The following MUC6 variants were observed in gnomAD, a reference collection of about 807,000 sequenced individuals.
The protein encoded by MUC6 is mucin 6, oligomeric mucus/gel-forming (gene/pseudogene).
Under a neutral mutation model 201.5 loss-of-function variants are expected in MUC6, and 188 were observed. That is an observed-to-expected ratio of 0.93 (90% CI 0.83 to 1.05). MUC6 has a LOEUF of 1.05. Ranked by LOEUF, MUC6 falls within the 50% of genes least tolerant of loss-of-function variation. The pLI is 0.00. For synonymous variants in MUC6, 1,228 were observed against 1,389.4 expected (o/e 0.88, Z 2.58); for missense variants, 2,706 against 3,256.9 (o/e 0.83, Z 4.12).
At chr11:1,031,134 C>A (rs535300649) in intron 5 of MUC6, 35 bp downstream of exon 5, 35 of 525,712 alleles carry the variant, frequency 6.7e-5, no homozygotes, top group African/African-American at 3.4e-4. Context: ...ACCTAGAGGC[C>A]CCCCCAGAGG....
Position 1,015,934 on chromosome 11 carries a change from G to A in MUC6, c.6867C>T (p.Thr2289=), listed in dbSNP as rs1330047088. ...AGGTGGGGATACCCGTCACCCCCGA[G>A]GTGAGTGACACAAAGCCTGATGTGG... The part of the protein sequence containing the change: ...RVPTSGFVSL[T]SGVTGIPTSP... The change falls in exon 31 of 33, where the codon ACC becomes ACT. Residue 2289 remains threonine (T), a synonymous_variant. Transcript: ENST00000421673. 1 of 1,598,662 alleles carries A rather than the reference G, an allele frequency of 6.3e-7. No individual in the cohort carries two copies. The highest frequency in any genetic ancestry group is 1.1e-5 in the South Asian group (1 of 88,166).
At position 1,036,600 on chromosome 11, in the gene MUC6, T is replaced by G. The variant is rs1590058920; in HGVS notation, c.52+4A>C. 6.5e-7 allele frequency: 1 copy of G among 1,548,792 alleles called. No homozygotes were observed. The highest frequency in any genetic ancestry group is 2.4e-5 in the East Asian group (1 of 40,906). ...AGTGTCTGGCGCCCCTCGACCTCAC[T>G]CACCAGCGCTGAGCAGGGCTCCGCA... On this transcript the variant is annotated splice_donor_region_variant and intron_variant, in intron 1 of 32. Transcript: ENST00000421673.
Position 1,024,069 on chromosome 11 carries a change from C to T in MUC6, c.3260G>A (p.Arg1087His), listed in dbSNP as rs367670904. ...YHLPYYEACV[R>H]DACGCDSGGD... ...GCCACTGTCACACCCACATGCGTCG[C>T]GCACGCAGGCCTCGTAGTAGGGCAG... Residue 1087 changes from arginine to histidine, a missense_variant, in exon 25 of 33, where the codon CGC (arginine) becomes CAC (histidine). Coordinates refer to ENST00000421673, the MANE Select transcript of MUC6 (RefSeq NM_005961.3). 31 of 1,613,078 alleles carry T rather than the reference C, an allele frequency of 1.9e-5. No individual in the cohort carries two copies. The highest frequency in any genetic ancestry group is 8.8e-5 in the South Asian group (8 of 91,080).
In MUC6 at chr11:1,031,792, GC is replaced by G; in HGVS notation, c.356+20del. 1 of 1,571,946 alleles carries G rather than the reference GC, an allele frequency of 6.4e-7. No individual in the cohort carries two copies. ...AGTCCTCCGGCCCCCGAGCCCCCGG[GC>G]CCCGGCCCACCTGACCTACCCGATG... On this transcript the variant is annotated intron_variant, in intron 3 of 32. Transcript: ENST00000421673.
chr11:1,023,559 G>T lies in MUC6; in HGVS notation c.3476C>A (p.Pro1159His), dbSNP rs1443842472. 6.2e-7 allele frequency: 1 copy of T among 1,607,692 alleles called. No homozygotes were observed. Among genetic ancestry groups the T allele is most frequent in the Admixed American group, 1.7e-5 (1 of 58,942 alleles). Residue 1159 changes from proline (P) to histidine (H), a missense_variant, in exon 26 of 33, where the codon CCC becomes CAC. Around this residue, in one of 10 missense-constraint regions of MUC6, gnomAD observed 1,850 missense variants for 1,958.3 expected, o/e 0.94. Transcript: ENST00000421673. ...QEANCTWHYQ[P>H]CLCPSQPQSV... is the part of the protein sequence containing the mutation. Reference sequence around the variant, plus strand: ...CTGTGGCTGGCTGGGGCAGAGGCAGGGCTGGTAGTGCCACGTGCAGTTGGC... The same window carrying T: ...CTGTGGCTGGCTGGGGCAGAGGCAGTGCTGGTAGTGCCACGTGCAGTTGGC...
In MUC6 at chr11:1,030,295, G is replaced by T; in HGVS notation, c.933C>A (p.Cys311Ter). 1 of 1,549,296 alleles carries T rather than the reference G, an allele frequency of 6.5e-7. No homozygotes were observed. The highest frequency in any genetic ancestry group is 1.2e-5 in the South Asian group (1 of 84,004). The change falls in exon 8 of 33, where the codon TGC becomes TGA. Residue 311 changes from cysteine (C) to a stop codon, truncating the protein, a stop_gained. Coordinates refer to ENST00000421673, the MANE Select transcript of MUC6 (RefSeq NM_005961.3). LOFTEE classifies it high-confidence loss of function. ...QCPANQVYQE[C>*]GSACVKTCSN... ...AGCAGGTCTTCACGCAGGCCGAGCC[G>T]CACTCCTGGTACACCTGGTTGGCCG...
In MUC6 at chr11:1,018,744, C is replaced by T; in HGVS notation, c.4057G>A (p.Gly1353Arg). 1 of 1,572,026 alleles carries T rather than the reference C, an allele frequency of 6.4e-7. No homozygotes were observed. ...CCTGTCGTCTGGGTGGCCGTTGTTC[C>T]TGGCAGTTCCTGATTGGTCGATTTT... ...LPKSTNQELP[G>R]TTATQTTGPR... Residue 1353 changes from glycine (G) to arginine (R), a missense_variant, in exon 31 of 33, where the codon GGA (glycine) becomes AGA (arginine). Transcript: ENST00000421673.
In MUC6 at chr11:1,031,868, G is replaced by T. The variant is rs1301831269; in HGVS notation, c.301C>A (p.Leu101Met). 1 of 1,612,844 alleles carries T rather than the reference G, an allele frequency of 6.2e-7. No individual in the cohort carries two copies. The highest frequency in any genetic ancestry group is 1.3e-5 in the African/African-American group (1 of 75,050). The change falls in exon 3 of 33, where the codon CTG becomes ATG. Residue 101 changes from leucine (L) to methionine (M), a missense_variant. Physicochemically the swap from Leu to Met is conservative, Grantham distance 15. Transcript: ENST00000421673. ...DGSISRIIVELGASVVTVSEA... is the reference protein window; with the variant it reads ...DGSISRIIVEMGASVVTVSEA... ...CTCACAGTGACGACGGAGGCCCCCAGCTCCACGATGATCCGCGAGATGCTC... is the reference window on the plus strand; with the variant it reads ...CTCACAGTGACGACGGAGGCCCCCATCTCCACGATGATCCGCGAGATGCTC...
rs766402028 is a variant in MUC6 at position 1,030,193 on chromosome 11, G to A, written c.1015+20C>T. On this transcript the variant is annotated intron_variant, in intron 8 of 32. Transcript: ENST00000421673. ...TCTCTAGGGGTCCCGGGGAGAGAGA[G>A]TGCCTGCGACTGCCCTCACCTTCCG... The A allele has an allele frequency of 1.3e-6, 2 of 1,548,834 alleles. No individual in the cohort carries two copies. Among genetic ancestry groups the A allele is most frequent in the East Asian group, 2.4e-5 (1 of 41,014 alleles).
chr11:1,020,836 C>A, intron 27 of MUC6, 102 bp from the exon 28 acceptor site: 1 of 1,445,090 alleles, frequency 6.9e-7, no homozygotes, highest in Non-Finnish European at 9.5e-7. Flanking sequence ...CTCACCAAGG[C>A]TGTGGTGGAG....
At position 1,019,434 on chromosome 11, in the gene MUC6, T is replaced by C. The variant is rs552237217; in HGVS notation, c.3871A>G (p.Thr1291Ala). The C allele has an allele frequency of 9.2e-4, 1,479 of 1,613,724 alleles. 29 individuals carry two copies. The South Asian group carries it at 0.015, about 17-fold the overall frequency. Residue 1291 changes from threonine to alanine, a missense_variant, in exon 30 of 33, where the codon ACA becomes GCA. Physicochemically the swap from Thr to Ala is moderately conservative, Grantham distance 58. This residue lies in a region of MUC6 where 1,850 missense variants were observed against 1,958.3 expected (regional missense o/e 0.94). Coordinates refer to ENST00000421673, the MANE Select transcript of MUC6 (RefSeq NM_005961.3). ...QATSGLPPTA[T>A]LRSTATKPTV... ...GGTTTTGTGGCTGTCGATCTCAGTGTGGCTGTGGGAGGCAGCCCTGATGTG... is the reference window on the plus strand; with the variant it reads ...GGTTTTGTGGCTGTCGATCTCAGTGCGGCTGTGGGAGGCAGCCCTGATGTG...
intron 1 of MUC6, 24 bp downstream of exon 1, chr11:1,036,580 C>G: frequency 1.3e-6 from 2 of 1,548,840 alleles, no homozygotes; most frequent in Non-Finnish European, 1.7e-6. Context: ...ACCGCAGTGT[C>G]TGGCGCCCCT....
intron 24 of MUC6, 107 bp downstream of exon 24, chr11:1,024,737 T>G: frequency 6.8e-7 from 1 of 1,470,908 alleles, no homozygotes; most frequent in Non-Finnish European, 9.0e-7. Context: ...CTGGCTGGTC[T>G]GGGATCCCAC....
intron 27 of MUC6, 46 bp from the exon 28 acceptor site, chr11:1,020,780 C>T (rs1171833513): frequency 6.2e-7 from 1 of 1,601,872 alleles, no homozygotes; most frequent in Non-Finnish European, 8.5e-7. Flanking sequence ...TAAGCCTCCC[C>T]ACCCCGTGGG....
Position 1,028,796 on chromosome 11 carries a change from G to A in MUC6, c.1454-13C>T. 1 of 1,609,770 alleles carries A rather than the reference G, an allele frequency of 6.2e-7. No homozygotes were observed. The highest frequency in any genetic ancestry group is 1.3e-5 in the African/African-American group (1 of 75,066). Reference sequence around the variant, plus strand: ...ACCGTGATGTTGCCTGCAGGACGCAGTGCTCAGTGGGCCGTCTGGGCTCCC... The same window carrying A: ...ACCGTGATGTTGCCTGCAGGACGCAATGCTCAGTGGGCCGTCTGGGCTCCC... On this transcript the variant is annotated splice_polypyrimidine_tract_variant and intron_variant, in intron 12 of 32. Coordinates refer to ENST00000421673, the MANE Select transcript of MUC6 (RefSeq NM_005961.3).
chr11:1,025,949 A>T, intron 21 of MUC6, 34 bp from the exon 22 acceptor site: 1 of 1,596,366 alleles, frequency 6.3e-7, no homozygotes, highest in Non-Finnish European at 8.5e-7. Context: ...GGAGCCCTGG[A>T]GGCCGTGCCT....
chr11:1,028,148 C>A (rs1857009836), intron 14 of MUC6, 78 bp downstream of exon 14: 1 of 1,534,968 alleles, frequency 6.5e-7, no homozygotes, highest in East Asian at 2.5e-5. Context: ...GCAGCTGGGC[C>A]TGTGGTCCAG....
Position 1,018,937 on chromosome 11 carries a change from A to T in MUC6, c.4031-167T>A, listed in dbSNP as rs1024771088. Among the ~76,000 whole-genome samples the T allele has an allele frequency of 2.6e-5, 4 of 151,236 alleles. No individual in the cohort carries two copies. In the South Asian group the frequency reaches 6.3e-4, roughly 24 times the overall value. On this transcript the variant is annotated intron_variant, in intron 30 of 32. Transcript: ENST00000421673. Reference sequence around the variant, plus strand: ...CAGCCTGCCCCATTGTCTCCATCTCACCTGGACTTGCTCCACATCCTGCCC... The same window carrying T: ...CAGCCTGCCCCATTGTCTCCATCTCTCCTGGACTTGCTCCACATCCTGCCC...
rs201643977 is a variant in MUC6, at chr11:1,023,053, ATG to A, written c.3526+454_3526+455del. 2.7e-3 allele frequency among the ~76,000 whole-genome samples: 405 copies of A among 149,316 alleles called. 9 individuals are homozygous for A. In the South Asian group the frequency reaches 0.042, roughly 15 times the overall value. ...GTGTTGAGTGAATGTGCGTGAATGA[ATG>A]TGAATGAGCGTGAATATGTTGAATG... On this transcript the variant is annotated intron_variant, in intron 26 of 32. Coordinates refer to ENST00000421673, the MANE Select transcript of MUC6 (RefSeq NM_005961.3).
Sources: allele counts gnomAD v4.1 joint callset (sites outside exome capture counted in the v4.1 genomes callset), GRCh38; gene constraint gnomAD v4.1.1; regional missense constraint gnomAD v4.1.1; transcripts MANE v1.5; gene names NCBI Gene and HGNC (gene_info 2026-07-23, HGNC 2026-07-21).